The following KCNH1 variants were observed in gnomAD, a reference collection of about 807,000 sequenced individuals.
The protein encoded by KCNH1 is voltage-gated delayed rectifier potassium channel KCNH1.
KCNH1 carries 27 observed loss-of-function variants against 69.2 expected under a neutral mutation model. That is an observed-to-expected ratio of 0.39 (90% CI 0.29 to 0.54). KCNH1 has a LOEUF of 0.54. Among genes scored for constraint, KCNH1 ranks in the 20% least tolerant of loss-of-function variants. The pLI is 0.68. For synonymous variants in KCNH1, 456 were observed against 487.7 expected (o/e 0.93, Z 0.86); for missense variants, 798 against 1,261.6 (o/e 0.63, Z 5.57).
At position 210,696,220 on chromosome 1, in the gene KCNH1, C is replaced by G. The variant is rs553856322; in HGVS notation, c.2113-12082G>C. On this transcript the variant is annotated intron_variant, in intron 10 of 10. Transcript: ENST00000271751. ...TCCTGGCACAAGATATGCAACACCC[C>G]CTTCTCAGAGGGCTGCATGGAGCAC... Among the ~76,000 whole-genome samples the G allele has an allele frequency of 3.0e-4, 46 of 152,288 alleles. No homozygotes were observed. The South Asian group carries it at 9.1e-3, about 30-fold the overall frequency.
intron 7 of KCNH1, among the ~76,000 whole-genome samples, chr1:210,837,606 C>T (rs1010597715): frequency 6.6e-5 from 10 of 152,172 alleles, no homozygotes; most frequent in Non-Finnish European, 1.0e-4. Context: ...TACTCTGAAA[C>T]TCAGGATTCT....
At chr1:211,003,084 AAAG>A (rs887387696) in intron 6 of KCNH1, among the ~76,000 whole-genome samples, 3 of 152,140 alleles carry the variant, frequency 2.0e-5, no homozygotes, top group African/African-American at 4.8e-5. Context: ...AAGGGTCATG[AAAG>A]AAGAAGAGGG....
intron 4 of KCNH1, among the ~76,000 whole-genome samples, chr1:211,088,735 T>C (rs1233841253): frequency 1.3e-5 from 2 of 152,206 alleles, no homozygotes; most frequent in Non-Finnish European, 2.9e-5. Context: ...CACAAGTTAC[T>C]CCTATTTATT....
chr1:210,998,648 T>G (rs916233714), intron 6 of KCNH1, among the ~76,000 whole-genome samples: 7 of 152,212 alleles, frequency 4.6e-5, no homozygotes, highest in African/African-American at 1.7e-4. Context: ...AACTCAGCTC[T>G]GCCCCAAGCA....
intron 7 of KCNH1, chr1:210,860,227 C>A (rs1370825707): frequency 9.6e-6 from 14 of 1,457,996 alleles, no homozygotes; most frequent in South Asian, 8.0e-5. Context: ...GTAATCAAAG[C>A]CATCTTGCTG....
intron 5 of KCNH1, among the ~76,000 whole-genome samples, chr1:211,066,950 C>T (rs1690541339): frequency 6.6e-6 from 1 of 152,184 alleles, no homozygotes; most frequent in Non-Finnish European, 1.5e-5. Context: ...TGCCTACGCT[C>T]CAGCTATCAC....
intron 5 of KCNH1, among the ~76,000 whole-genome samples, chr1:211,030,555 A>G (rs574647147): frequency 1.3e-5 from 2 of 152,324 alleles, no homozygotes; most frequent in Non-Finnish European, 2.9e-5. Context: ...GACATCAATA[A>G]GCCAGAAAAG....
At chr1:211,062,063 T>G (rs1571616771) in intron 5 of KCNH1, among the ~76,000 whole-genome samples, 1 of 152,074 alleles carries the variant, frequency 6.6e-6, no homozygotes, top group East Asian at 1.9e-4. Flanking sequence ...TGACTTCAAA[T>G]TATACTACAA....
At chr1:211,032,786 T>G (rs942354377) in intron 5 of KCNH1, among the ~76,000 whole-genome samples, 9 of 152,198 alleles carry the variant, frequency 5.9e-5, no homozygotes, top group Non-Finnish European at 1.0e-4. Context: ...GACTTAAATA[T>G]TAGACCTAAA....
At chr1:210,852,693 C>A (rs1486859378) in intron 7 of KCNH1, among the ~76,000 whole-genome samples, 1 of 152,106 alleles carries the variant, frequency 6.6e-6, no homozygotes, top group East Asian at 1.9e-4. Flanking sequence ...GCGCTTGGCC[C>A]AAGGGAAACA....
intron 10 of KCNH1, among the ~76,000 whole-genome samples, chr1:210,753,376 A>G (rs187059009): frequency 6.6e-6 from 1 of 152,210 alleles, no homozygotes; most frequent in African/African-American, 2.4e-5. Context: ...AAGACACTCA[A>G]ATAAGGTGGA....
At chr1:210,918,799 T>C (rs1349463433) in intron 7 of KCNH1, 1 of 152,204 alleles carries the variant, frequency 6.6e-6, no homozygotes, top group Non-Finnish European at 1.5e-5. Flanking sequence ...GTCCAAATGA[T>C]TAAATTTAAA....
At chr1:210,885,496 G>GT (rs34976360) in intron 7 of KCNH1, among the ~76,000 whole-genome samples, 14,056 of 150,274 alleles carry the variant, frequency 0.094, 1,358 homozygotes, top group African/African-American at 0.24. Context: ...TTGGGCAGGA[G>GT]TTTTTTTTTT....
intron 7 of KCNH1, among the ~76,000 whole-genome samples, chr1:210,834,021 A>G (rs1046023084): frequency 6.6e-6 from 1 of 152,246 alleles, no homozygotes; most frequent in African/African-American, 2.4e-5. Flanking sequence ...CAATCATTAA[A>G]AAGTCAGGAA....
At chr1:210,974,020 T>A (rs1189168196) in intron 6 of KCNH1, among the ~76,000 whole-genome samples, 1 of 152,206 alleles carries the variant, frequency 6.6e-6, no homozygotes. Flanking sequence ...TATGAGTTTG[T>A]CAGTTTCACC....
At position 210,683,845 on chromosome 1, in the gene KCNH1, T is replaced by C; in HGVS notation, c.2406A>G (p.Ala802=). ...GGTCTGGCACCCCGGAGGTGGAGGC[T>C]GCCTGGAAGGATACGGGCGTGGCAG... ...ESPATPVSFQ[A]ASTSGVPDHA... is the part of the protein sequence containing the mutation. The change falls in exon 11 of 11, where the codon GCA becomes GCG. Residue 802 remains alanine (A), a synonymous_variant. Transcript: ENST00000271751. The surrounding 1 kb of genome is among the most constrained non-coding windows in gnomAD (Gnocchi z 5.7). 1 of 1,614,090 alleles carries C rather than the reference T, an allele frequency of 6.2e-7. No individual in the cohort carries two copies. Among genetic ancestry groups the C allele is most frequent in the East Asian group, 2.2e-5 (1 of 44,868 alleles).
At chr1:210,798,288 C>T (rs1684362013) in intron 8 of KCNH1, among the ~76,000 whole-genome samples, 1 of 152,158 alleles carries the variant, frequency 6.6e-6, no homozygotes, top group Admixed American at 6.5e-5. Flanking sequence ...ATCCGCCCGC[C>T]TCGGCCTCCC....
chr1:211,100,891 A>T (rs1419124311), intron 3 of KCNH1, among the ~76,000 whole-genome samples: 2 of 152,216 alleles, frequency 1.3e-5, no homozygotes, highest in Non-Finnish European at 2.9e-5. Flanking sequence ...TCTACATAGA[A>T]ATACACATTT....
intron 7 of KCNH1, among the ~76,000 whole-genome samples, chr1:210,877,609 C>G (rs1686405788): frequency 6.6e-6 from 1 of 152,166 alleles, no homozygotes; most frequent in South Asian, 2.1e-4. Flanking sequence ...CTATTCCATA[C>G]AATTTATTCA....
Sources: gnomAD v4.1 joint callset for allele counts (sites outside exome capture counted in the v4.1 genomes callset) on GRCh38, gnomAD v4.1.1 for gene constraint, Gnocchi (gnomAD v3.1) non-coding constraint, MANE v1.5 for transcripts, NCBI Gene and HGNC (gene_info 2026-07-23, HGNC 2026-07-21) for gene names.